Variants in ANO4 observed in about 807,000 individuals in gnomAD.
ANO4 encodes anoctamin-4.
In ANO4, 69 loss-of-function variants were observed where a neutral mutation model predicts 141.9. The observed-to-expected ratio is 0.49, with a 90% CI of 0.40 to 0.59. The LOEUF (loss-of-function observed/expected upper bound fraction) is 0.59. ANO4 is among the 20% of genes least tolerant of loss of function. The pLI is 0.00. For missense variants in ANO4, 894 were observed against 1,162.2 expected (o/e 0.77, Z 3.36); for synonymous variants, 350 against 394.3 (o/e 0.89, Z 1.33).
chr12:100,898,996 G>GA (rs2040468211), intron 1 of ANO4, among the ~76,000 whole-genome samples: 1 of 152,198 alleles, frequency 6.6e-6, no homozygotes, highest in African/African-American at 2.4e-5. Context: ...GAGCATGGTG[G>GA]AGTGGAAGAA....
At chr12:100,833,288 T>C (rs532037861) in intron 1 of ANO4, among the ~76,000 whole-genome samples, 7 of 152,280 alleles carry the variant, frequency 4.6e-5, no homozygotes, top group Non-Finnish European at 1.0e-4. Context: ...ATCATTAGGG[T>C]TTGATGCAGC....
intron 1 of ANO4, among the ~76,000 whole-genome samples, chr12:100,893,164 G>C (rs188707404): frequency 6.6e-6 from 1 of 152,184 alleles, no homozygotes; most frequent in East Asian, 1.9e-4. Flanking sequence ...TCTTCAGAAG[G>C]GTGGTGAATG....
chr12:100,770,879 G>A (rs2033270954), intron 3 of ANO4, among the ~76,000 whole-genome samples: 1 of 149,438 alleles, frequency 6.7e-6, no homozygotes, highest in Admixed American at 6.8e-5. Context: ...ATACCTCTTA[G>A]AAATAGCACA....
At chr12:100,984,934 A>G (rs1013070929) in intron 7 of ANO4, among the ~76,000 whole-genome samples, 13 of 149,880 alleles carry the variant, frequency 8.7e-5, no homozygotes, top group African/African-American at 3.2e-4. Context: ...TTACAGCTTT[A>G]TTTGTTTTTA....
chr12:100,842,840 C>A (rs1049047169), intron 1 of ANO4, among the ~76,000 whole-genome samples: 2 of 152,106 alleles, frequency 1.3e-5, no homozygotes, highest in African/African-American at 4.8e-5. Context: ...GCTTAACCAC[C>A]TCCTAAAGGC....
chr12:100,821,230 G>C (rs1168709564), intron 1 of ANO4, among the ~76,000 whole-genome samples: 3 of 151,986 alleles, frequency 2.0e-5, no homozygotes, highest in African/African-American at 4.8e-5. Context: ...TCAAAACTTA[G>C]TAGTAAATTT....
intron 1 of ANO4, among the ~76,000 whole-genome samples, chr12:100,727,540 T>G (rs967497596): frequency 6.6e-6 from 1 of 152,178 alleles, no homozygotes; most frequent in African/African-American, 2.4e-5. Flanking sequence ...AATATTTTAC[T>G]TTCAACATTT....
chr12:101,016,950 A>G (rs917105235), intron 8 of ANO4, among the ~76,000 whole-genome samples: 1 of 152,248 alleles, frequency 6.6e-6, no homozygotes, highest in African/African-American at 2.4e-5. Context: ...ACTGGAGTAT[A>G]TGCTGAGGTC....
At chr12:100,915,622 T>C (rs927263932) in intron 2 of ANO4, among the ~76,000 whole-genome samples, 7 of 152,296 alleles carry the variant, frequency 4.6e-5, no homozygotes, top group African/African-American at 1.7e-4. Flanking sequence ...TGTTTTTACT[T>C]AGCCTAGGCC....
chr12:100,894,230 C>G (rs2040231412), intron 1 of ANO4, among the ~76,000 whole-genome samples: 1 of 152,044 alleles, frequency 6.6e-6, no homozygotes, highest in South Asian at 2.1e-4. Context: ...TGTCAAATAG[C>G]CTGACACTAA....
intron 1 of ANO4, among the ~76,000 whole-genome samples, chr12:100,893,597 AT>A (rs1367785629): frequency 2.6e-5 from 4 of 152,092 alleles, no homozygotes; most frequent in Non-Finnish European, 4.4e-5. Context: ...ACACAAGCAC[AT>A]TTCTGCTTTC....
rs143769157 is a variant in ANO4, at chr12:101,095,383, T to TGG, written c.1738+1092_1738+1093dup. 8.8e-3 allele frequency among the ~76,000 whole-genome samples: 1,333 copies of TGG among 152,294 alleles called. 18 individuals carry two copies. The highest frequency in any genetic ancestry group is 0.031 in the African/African-American group (1,272 of 41,562). On this transcript the variant is annotated intron_variant, in intron 18 of 27. Transcript: ENST00000392977. The stretch of plus-strand genomic sequence containing the variant: ...TGATCCAGGCTAGCAGAAATGCCAT[T>TGG]GGAGGTACAGTCCTGGTCCATCCAC...
chr12:101,052,039 A>T (rs530880886), intron 14 of ANO4, among the ~76,000 whole-genome samples: 1 of 152,184 alleles, frequency 6.6e-6, no homozygotes, highest in Admixed American at 6.5e-5. Context: ...AGCTGATGAG[A>T]ACAGATGTAA....
chr12:101,048,411 C>T lies in ANO4; in HGVS notation c.1312+10C>T, dbSNP rs1418608841. ...TTCATGGCAGTCTGGGGTAAGTGTTCTATAACCATAAAACTTGAGTTTTCC... is the reference window on the plus strand; with the variant it reads ...TTCATGGCAGTCTGGGGTAAGTGTTTTATAACCATAAAACTTGAGTTTTCC... On this transcript the variant is annotated intron_variant, in intron 14 of 27. Transcript: ENST00000392977. 6.2e-7 allele frequency: 1 copy of T among 1,612,182 alleles called. No individual in the cohort carries two copies. Among genetic ancestry groups the T allele is most frequent in the Admixed American group, 1.7e-5 (1 of 59,990 alleles).
At chr12:101,065,909 C>T (rs1347460052) in intron 14 of ANO4, among the ~76,000 whole-genome samples, 1 of 152,136 alleles carries the variant, frequency 6.6e-6, no homozygotes, top group Non-Finnish European at 1.5e-5. Context: ...AAAGATCATT[C>T]ATTATAACCA....
intron 1 of ANO4, among the ~76,000 whole-genome samples, chr12:100,820,906 G>A (rs1270130487): frequency 2.0e-5 from 3 of 152,004 alleles, no homozygotes; most frequent in African/African-American, 7.2e-5. Context: ...GCAAAGTCCG[G>A]TGATTTGCAC....
chr12:100,972,803 C>T (rs1425197146), intron 6 of ANO4, among the ~76,000 whole-genome samples: 1 of 152,124 alleles, frequency 6.6e-6, no homozygotes, highest in Non-Finnish European at 1.5e-5. Flanking sequence ...ATAAATAAAT[C>T]TCATAAAACC....
intron 22 of ANO4, among the ~76,000 whole-genome samples, chr12:101,101,579 C>T (rs1308963267): frequency 6.6e-6 from 1 of 151,944 alleles, no homozygotes; most frequent in East Asian, 1.9e-4. Context: ...ACCATCAATC[C>T]CTCAACCCTC....
At chr12:101,085,914 C>A (rs1399642649) in intron 16 of ANO4, among the ~76,000 whole-genome samples, 1 of 152,140 alleles carries the variant, frequency 6.6e-6, no homozygotes, top group Admixed American at 6.6e-5. Context: ...AATAGTCAAA[C>A]AGATTGTTAG....
Sources: gnomAD v4.1 joint callset for allele counts (sites outside exome capture counted in the v4.1 genomes callset) on GRCh38, gnomAD v4.1.1 for gene constraint, MANE v1.5 for transcripts, NCBI Gene and HGNC (gene_info 2026-07-23, HGNC 2026-07-21) for gene names.